Variants in CSMD1 observed in about 807,000 individuals in gnomAD.
CSMD1 encodes CUB and sushi domain-containing protein 1.
In CSMD1, 213 loss-of-function variants were observed where a neutral mutation model predicts 417.5. That is an observed-to-expected ratio of 0.51 (90% CI 0.46 to 0.57). CSMD1 has a LOEUF of 0.57. Ranked by LOEUF, CSMD1 falls within the 20% of genes least tolerant of loss-of-function variation. CSMD1 has a pLI of 0.00. For missense variants in CSMD1, 6,923 were observed against 4,529.7 expected, an observed-to-expected ratio of 1.53 and a Z score of -15.17; for synonymous variants, 2,862 against 1,736.8, an observed-to-expected ratio of 1.65 and a Z score of -16.11.
intron 25 of CSMD1, among the ~76,000 whole-genome samples, chr8:3,286,234 C>T (rs191508840): frequency 3.2e-4 from 48 of 152,256 alleles, no homozygotes; most frequent in African/African-American, 1.1e-3. Flanking sequence ...CATTGTTGGA[C>T]ATTTGGGTTG....
intron 36 of CSMD1, among the ~76,000 whole-genome samples, chr8:3,182,045 C>T (rs1222991695): frequency 1.3e-5 from 2 of 152,130 alleles, no homozygotes; most frequent in African/African-American, 4.8e-5. Flanking sequence ...TAGACATACT[C>T]GATGTCAAAG....
At chr8:4,438,996 C>T (rs868828317) in intron 2 of CSMD1, among the ~76,000 whole-genome samples, 7 of 152,134 alleles carry the variant, frequency 4.6e-5, no homozygotes, top group Admixed American at 6.5e-5. Context: ...ACGTTTGGGG[C>T]AAATTTTCAT....
intron 5 of CSMD1, among the ~76,000 whole-genome samples, chr8:3,806,135 C>T (rs1331799614): frequency 6.6e-6 from 1 of 152,174 alleles, no homozygotes; most frequent in African/African-American, 2.4e-5. Flanking sequence ...AGCATCAAAA[C>T]AGCACAGTTC....
At chr8:3,712,379 A>G (rs1479309484) in intron 6 of CSMD1, among the ~76,000 whole-genome samples, 1 of 66,966 alleles carries the variant, frequency 1.5e-5, no homozygotes, top group Non-Finnish European at 3.2e-5. Flanking sequence ...GAAACAGGAG[A>G]GAGAGAGAGA....
At chr8:4,293,585 G>T (rs772465326) in intron 3 of CSMD1, among the ~76,000 whole-genome samples, 1 of 152,038 alleles carries the variant, frequency 6.6e-6, no homozygotes, top group African/African-American at 2.4e-5. Context: ...CAATAAAAGA[G>T]CTCATCTCAT....
chr8:2,999,849 T>C, intron 53 of CSMD1, 109 bp downstream of exon 53: 1 of 941,606 alleles, frequency 1.1e-6, no homozygotes. Context: ...GAAAGTTTGC[T>C]GTTCCCTTTT....
chr8:4,295,193 C>CGT (rs1797596854), intron 3 of CSMD1, among the ~76,000 whole-genome samples: 2 of 73,122 alleles, frequency 2.7e-5, no homozygotes, highest in African/African-American at 9.5e-5. Context: ...TAAGATTATG[C>CGT]ACATATAATC....
At chr8:3,336,697 C>T (rs979694011) in intron 23 of CSMD1, among the ~76,000 whole-genome samples, 25 of 152,166 alleles carry the variant, frequency 1.6e-4, no homozygotes, top group Admixed American at 1.4e-3. Context: ...AGACTGTTCC[C>T]GATGTGGGCG....
At chr8:4,966,125 A>T (rs1809840700) in intron 1 of CSMD1, among the ~76,000 whole-genome samples, 2 of 149,264 alleles carry the variant, frequency 1.3e-5, no homozygotes, top group African/African-American at 5.0e-5. Context: ...GCACTTTGGG[A>T]GGCCGAGGCA....
intron 12 of CSMD1, among the ~76,000 whole-genome samples, chr8:3,418,260 A>T (rs1585135336): frequency 6.6e-6 from 1 of 152,138 alleles, no homozygotes; most frequent in African/African-American, 2.4e-5. Context: ...AATTCGGGCT[A>T]TAAGTAACCA....
intron 1 of CSMD1, among the ~76,000 whole-genome samples, chr8:4,702,209 A>T (rs1384904462): frequency 6.6e-6 from 1 of 152,216 alleles, no homozygotes; most frequent in African/African-American, 2.4e-5. Context: ...CCACTATGGT[A>T]CATGTTTACC....
chr8:4,286,196 C>G (rs1244434309), intron 3 of CSMD1, among the ~76,000 whole-genome samples: 1 of 152,114 alleles, frequency 6.6e-6, no homozygotes, highest in Non-Finnish European at 1.5e-5. Flanking sequence ...TTTCTTTTCT[C>G]CCGACTGCAA....
At chr8:3,119,061 T>C (rs1817034186) in intron 41 of CSMD1, among the ~76,000 whole-genome samples, 1 of 151,980 alleles carries the variant, frequency 6.6e-6, no homozygotes, top group Non-Finnish European at 1.5e-5. Context: ...GCGCCTGTAG[T>C]CCCAGCTACT....
At chr8:4,325,820 C>T (rs1201632055) in intron 3 of CSMD1, among the ~76,000 whole-genome samples, 2 of 152,040 alleles carry the variant, frequency 1.3e-5, no homozygotes, top group Non-Finnish European at 2.9e-5. Flanking sequence ...ACCCTGAGAA[C>T]GACTGTAGAT....
At chr8:3,488,124 A>C (rs955057449) in intron 11 of CSMD1, among the ~76,000 whole-genome samples, 1 of 147,644 alleles carries the variant, frequency 6.8e-6, no homozygotes, top group Non-Finnish European at 1.5e-5. Context: ...TCTTTTTGAA[A>C]TAGTGTCTTG....
At chr8:4,570,294 T>C (rs1022520826) in intron 2 of CSMD1, among the ~76,000 whole-genome samples, 1 of 152,210 alleles carries the variant, frequency 6.6e-6, no homozygotes, top group African/African-American at 2.4e-5. Context: ...ACAGCTCTTA[T>C]TATTTTGACA....
intron 2 of CSMD1, among the ~76,000 whole-genome samples, chr8:4,473,638 T>A (rs963445760): frequency 3.3e-5 from 5 of 152,160 alleles, no homozygotes; most frequent in South Asian, 2.1e-4. Context: ...GGGAGTTTAG[T>A]TTCCTTTATC....
intron 5 of CSMD1, among the ~76,000 whole-genome samples, chr8:3,926,044 A>ACACAC (rs1563218030): frequency 2.1e-3 from 75 of 35,650 alleles, no homozygotes; most frequent in African/African-American, 6.2e-3. Flanking sequence ...CACACACACA[A>ACACAC]ACACCATATA....
intron 26 of CSMD1, among the ~76,000 whole-genome samples, chr8:3,252,235 C>A (rs529663496): frequency 6.6e-6 from 1 of 152,222 alleles, no homozygotes; most frequent in South Asian, 2.1e-4. Flanking sequence ...AAATACGTCC[C>A]ATCAATACCT....
Sources: allele counts gnomAD v4.1 joint callset (sites outside exome capture counted in the v4.1 genomes callset), GRCh38; gene constraint gnomAD v4.1.1; transcripts MANE v1.5; gene names NCBI Gene and HGNC (gene_info 2026-07-23, HGNC 2026-07-21).